Variants in CLASP1 observed in about 807,000 individuals in gnomAD.
CLASP1 encodes the protein CLIP-associating protein 1.
In CLASP1, 38 loss-of-function variants were observed where a neutral mutation model predicts 192.3. The ratio of observed to expected loss-of-function variants is 0.20; its 90% CI spans 0.15 to 0.26. The LOEUF (loss-of-function observed/expected upper bound fraction) is 0.26. Among genes scored for constraint, CLASP1 ranks in the 10% least tolerant of loss-of-function variants. The probability of loss-of-function intolerance (pLI) is 1.00; values close to 1 mark genes in which losing one functional copy is unlikely to be tolerated. For synonymous variants in CLASP1, 691 were observed against 712.8 expected (o/e 0.97, Z 0.49); for missense variants, 1,433 against 1,932.5 (o/e 0.74, Z 4.85).
intron 30 of CLASP1, among the ~76,000 whole-genome samples, chr2:121,395,030 A>C (rs1409765202): frequency 2.6e-5 from 4 of 152,110 alleles, no homozygotes; most frequent in African/African-American, 7.2e-5. Flanking sequence ...GGCAGCCTCT[A>C]CTAGCTGAGA....
At chr2:121,413,388 G>A (rs998902276) in intron 23 of CLASP1, among the ~76,000 whole-genome samples, 1 of 152,216 alleles carries the variant, frequency 6.6e-6, no homozygotes, top group African/African-American at 2.4e-5. Flanking sequence ...AAAATTCATA[G>A]ATTATGCCTT....
intron 6 of CLASP1, among the ~76,000 whole-genome samples, chr2:121,525,013 T>C (rs2094542795): frequency 6.6e-6 from 1 of 152,136 alleles, no homozygotes; most frequent in African/African-American, 2.4e-5. Context: ...GCCAGCCTGA[T>C]ACAACCTCCT....
At chr2:121,406,825 A>C (rs2076977251) in intron 25 of CLASP1, among the ~76,000 whole-genome samples, 1 of 152,148 alleles carries the variant, frequency 6.6e-6, no homozygotes, top group Non-Finnish European at 1.5e-5. Flanking sequence ...TCCTGGAGTC[A>C]AGTGCTCCTC....
rs190153285 is a variant in CLASP1, at chr2:121,563,503, G to A, written c.196-33178C>T. Among the ~76,000 whole-genome samples, 514 of 152,208 alleles carry A rather than the reference G, an allele frequency of 3.4e-3. 2 individuals are homozygous for A. Among genetic ancestry groups the A allele is most frequent in the African/African-American group, 0.01 (430 of 41,512 alleles). The stretch of plus-strand genomic sequence containing the variant: ...CCAAAAAATGAAAAATTAACATGCC[G>A]ACACACTTAATGAATTCTCTTATTA... On this transcript the variant is annotated intron_variant, in intron 2 of 39. Transcript: ENST00000263710.
At chr2:121,339,871 C>A (rs977627736) in exon 40 of CLASP1, 3 of 152,140 alleles carry the variant, frequency 2.0e-5, no homozygotes, top group Non-Finnish European at 4.4e-5. Context: ...GTAAAGATGC[C>A]ATTTACCAGA....
intron 9 of CLASP1, among the ~76,000 whole-genome samples, chr2:121,465,771 T>C (rs1337148891): frequency 1.3e-5 from 2 of 152,216 alleles, no homozygotes; most frequent in Admixed American, 6.5e-5. Context: ...CTTCAGACTA[T>C]ACTACAGGGC....
At chr2:121,492,185 C>T (rs906651963) in intron 8 of CLASP1, among the ~76,000 whole-genome samples, 10 of 151,928 alleles carry the variant, frequency 6.6e-5, no homozygotes, top group African/African-American at 1.2e-4. Context: ...GTCAGGAGAT[C>T]GAAACCATCC....
At chr2:121,516,827 G>C (rs1010206257) in intron 6 of CLASP1, among the ~76,000 whole-genome samples, 4 of 151,624 alleles carry the variant, frequency 2.6e-5, no homozygotes, top group Admixed American at 6.6e-5. Flanking sequence ...TGGAGTTCAA[G>C]ACCAGCCTGG....
At chr2:121,565,317 C>T (rs1576037927) in intron 2 of CLASP1, among the ~76,000 whole-genome samples, 1 of 152,120 alleles carries the variant, frequency 6.6e-6, no homozygotes, top group South Asian at 2.1e-4. Context: ...AGTAAACATG[C>T]AGAATAACTC....
intron 30 of CLASP1, among the ~76,000 whole-genome samples, chr2:121,391,095 C>CA (rs748263622): frequency 2.6e-5 from 4 of 152,182 alleles, no homozygotes; most frequent in Non-Finnish European, 5.9e-5. Context: ...CAAACGTCGA[C>CA]ACAGGCACAC....
intron 19 of CLASP1, among the ~76,000 whole-genome samples, chr2:121,442,614 G>C (rs566655731): frequency 6.6e-6 from 1 of 151,864 alleles, no homozygotes; most frequent in East Asian, 2.0e-4. Context: ...TGAGTAGCTG[G>C]GACTAGAGGC....
At chr2:121,387,718 G>T (rs754358306) in intron 31 of CLASP1, 45 bp downstream of exon 32, 2 of 1,600,500 alleles carry the variant, frequency 1.2e-6, no homozygotes, top group Admixed American at 1.7e-5. Context: ...GCTACGCAGA[G>T]GTCATGGACA....
At chr2:121,624,329 T>C (rs909473604) in intron 1 of CLASP1, among the ~76,000 whole-genome samples, 13 of 152,160 alleles carry the variant, frequency 8.5e-5, no homozygotes, top group African/African-American at 3.1e-4. Flanking sequence ...GCTTATGATA[T>C]ATTCTTTGTT....
chr2:121,373,318 G>A (rs2069183193), intron 34 of CLASP1, among the ~76,000 whole-genome samples: 2 of 152,138 alleles, frequency 1.3e-5, no homozygotes, highest in African/African-American at 4.8e-5. Context: ...CCCCAGCCAG[G>A]CCTCCGGTAT....
At chr2:121,383,587 A>G (rs1302945668) in intron 32 of CLASP1, among the ~76,000 whole-genome samples, 2 of 150,496 alleles carry the variant, frequency 1.3e-5, no homozygotes, top group African/African-American at 5.0e-5. Flanking sequence ...ACTAAAAATT[A>G]CTTCCTATTG....
In CLASP1 at chr2:121,451,864, GA is replaced by G. The variant is rs2085544495; in HGVS notation, c.1386-16del. 2.0e-6 allele frequency: 3 copies of G among 1,525,908 alleles called. No individual in the cohort carries two copies. In the African/African-American group the frequency reaches 4.1e-5, roughly 21 times the overall value. 94.5% of individuals were successfully genotyped at this position (1,525,908 alleles called of 1,614,324 possible). A position where few individuals can be genotyped will look rare whatever the true frequency, so the allele number is the denominator to read the frequency against. On this transcript the variant is annotated splice_polypyrimidine_tract_variant and intron_variant, in intron 14 of 39. Coordinates refer to ENST00000263710, the Ensembl canonical transcript of CLASP1. ...CAAAACAGCGCCTAAAAAGTATTAAGAAATACACAACTTATTAATACATATT... is the reference window on the plus strand; with the variant it reads ...CAAAACAGCGCCTAAAAAGTATTAAGAATACACAACTTATTAATACATATT...
intron 1 of CLASP1, among the ~76,000 whole-genome samples, chr2:121,643,056 G>T (rs1222966693): frequency 6.6e-6 from 1 of 151,562 alleles, no homozygotes; most frequent in Non-Finnish European, 1.5e-5. Flanking sequence ...AGTAGTGAGG[G>T]AAAGTCCTAC....
intron 7 of CLASP1, chr2:121,513,042 T>C (rs1434407403): frequency 6.6e-6 from 1 of 152,212 alleles, no homozygotes; most frequent in African/African-American, 2.4e-5. Flanking sequence ...AGTAATCCAG[T>C]CACCCACGTG....
chr2:121,615,078 GC>G (rs2066232857), intron 1 of CLASP1, among the ~76,000 whole-genome samples: 1 of 152,198 alleles, frequency 6.6e-6, no homozygotes, highest in Non-Finnish European at 1.5e-5. Context: ...AGTGGCTCAC[GC>G]CTGTAATCCC....
Sources: allele counts gnomAD v4.1 joint callset (sites outside exome capture counted in the v4.1 genomes callset), GRCh38; gene constraint gnomAD v4.1.1; transcripts MANE v1.5; gene names NCBI Gene and HGNC (gene_info 2026-07-23, HGNC 2026-07-21).